HS3ST4: variants seen among roughly 807,000 people sequenced by gnomAD.
The protein encoded by HS3ST4 is heparan sulfate-glucosamine 3-sulfotransferase 4, also known as heparan sulfate glucosamine 3-O-sulfotransferase 4.
HS3ST4 carries 17 observed loss-of-function variants against 29.2 expected under a neutral mutation model. The observed-to-expected ratio is 0.58, with a 90% CI of 0.40 to 0.87. HS3ST4 has a LOEUF of 0.87. Among genes scored for constraint, HS3ST4 ranks in the 40% least tolerant of loss-of-function variants. The pLI is 0.00. For missense variants in HS3ST4, 627 were observed against 634.5 expected (o/e 0.99, Z 0.13); for synonymous variants, 314 against 285.7 (o/e 1.10, Z -1.00).
At chr16:26,028,272 C>CAAAAA (rs57920476) in intron 1 of HS3ST4, among the ~76,000 whole-genome samples, 14 of 48,548 alleles carry the variant, frequency 2.9e-4, no homozygotes, top group Admixed American at 6.9e-4. Context: ...GACACCGTCT[C>CAAAAA]AAAAAAAAAA....
chr16:26,118,372 G>A (rs1899226823), intron 1 of HS3ST4, among the ~76,000 whole-genome samples: 1 of 152,184 alleles, frequency 6.6e-6, no homozygotes, highest in East Asian at 1.9e-4. Flanking sequence ...CAGGGTTTGA[G>A]CCACCACACC....
chr16:26,111,320 C>CAGCA (rs1042756565), intron 1 of HS3ST4, among the ~76,000 whole-genome samples: 2 of 151,950 alleles, frequency 1.3e-5, no homozygotes, highest in East Asian at 1.9e-4. Context: ...AGTGATCCTC[C>CAGCA]AGCACTAGCA....
At chr16:25,712,523 TA>T (rs945582976) in intron 1 of HS3ST4, among the ~76,000 whole-genome samples, 71 of 151,764 alleles carry the variant, frequency 4.7e-4, no homozygotes, top group African/African-American at 1.7e-3. Context: ...CCTGTATCTA[TA>T]AAAAAATAAA....
chr16:25,764,979 TAAAAG>T (rs930678755), intron 1 of HS3ST4, among the ~76,000 whole-genome samples: 8 of 152,126 alleles, frequency 5.3e-5, no homozygotes, highest in Non-Finnish European at 1.2e-4. Flanking sequence ...AGCTTAGACA[TAAAAG>T]AAGAGAAATG....
intron 1 of HS3ST4, among the ~76,000 whole-genome samples, chr16:25,929,981 T>C (rs539640955): frequency 6.6e-6 from 1 of 152,204 alleles, no homozygotes; most frequent in African/African-American, 2.4e-5. Context: ...TAGGCCCCAT[T>C]GTCTGTTATT....
intron 1 of HS3ST4, among the ~76,000 whole-genome samples, chr16:26,107,392 G>T (rs886559457): frequency 2.0e-5 from 3 of 151,168 alleles, no homozygotes; most frequent in Admixed American, 1.3e-4. Context: ...ACACATACAT[G>T]CACATATGTA....
chr16:25,851,700 T>C (rs1409988110), intron 1 of HS3ST4, among the ~76,000 whole-genome samples: 2 of 151,954 alleles, frequency 1.3e-5, no homozygotes, highest in Non-Finnish European at 2.9e-5. Flanking sequence ...GTCAGGTGGG[T>C]GAACTGTGGG....
At chr16:25,946,945 ACCCAATGT>A (rs1386280633) in intron 1 of HS3ST4, among the ~76,000 whole-genome samples, 1 of 152,170 alleles carries the variant, frequency 6.6e-6, no homozygotes, top group Admixed American at 6.5e-5. Context: ...AAAGCATAAC[ACCCAATGT>A]CCCAATGTGG....
chr16:26,023,230 T>C (rs1011270842), intron 1 of HS3ST4, among the ~76,000 whole-genome samples: 21 of 152,114 alleles, frequency 1.4e-4, no homozygotes, highest in African/African-American at 4.8e-4. Context: ...ACCACTTACT[T>C]TCCCATAAAA....
At chr16:26,067,402 A>G (rs1184480247) in intron 1 of HS3ST4, among the ~76,000 whole-genome samples, 1 of 152,132 alleles carries the variant, frequency 6.6e-6, no homozygotes, top group Non-Finnish European at 1.5e-5. Flanking sequence ...CAAGGGAGAC[A>G]TGACCAAATT....
chr16:25,950,209 C>A (rs1475330344), intron 1 of HS3ST4, among the ~76,000 whole-genome samples: 2 of 152,086 alleles, frequency 1.3e-5, no homozygotes, highest in Non-Finnish European at 2.9e-5. Context: ...AGTTAGATGA[C>A]CCATCTGCTC....
chr16:26,069,102 C>T (rs778224221), intron 1 of HS3ST4, among the ~76,000 whole-genome samples: 1 of 152,140 alleles, frequency 6.6e-6, no homozygotes, highest in Admixed American at 6.5e-5. Context: ...CAGGCACATG[C>T]CACAATGCCC....
intron 1 of HS3ST4, among the ~76,000 whole-genome samples, chr16:26,127,758 G>A (rs1020599684): frequency 5.3e-5 from 8 of 152,150 alleles, no homozygotes; most frequent in African/African-American, 1.7e-4. Flanking sequence ...GCCTGCTTTG[G>A]TAGGGCTATT....
intron 1 of HS3ST4, among the ~76,000 whole-genome samples, chr16:25,778,410 A>G (rs1966849650): frequency 6.6e-6 from 1 of 152,190 alleles, no homozygotes; most frequent in Non-Finnish European, 1.5e-5. Flanking sequence ...AGGCTTAGGT[A>G]CAGCAGGAAG....
At chr16:25,843,039 A>G (rs1321437621) in intron 1 of HS3ST4, among the ~76,000 whole-genome samples, 1 of 152,206 alleles carries the variant, frequency 6.6e-6, no homozygotes, top group African/African-American at 2.4e-5. Flanking sequence ...CATACATTTT[A>G]TTCCCATAGG....
At chr16:26,112,665 A>G (rs926417271) in intron 1 of HS3ST4, among the ~76,000 whole-genome samples, 4 of 152,148 alleles carry the variant, frequency 2.6e-5, no homozygotes, top group Admixed American at 2.6e-4. Context: ...AGAATATGCA[A>G]AGAACTCCTA....
chr16:25,828,631 G>A (rs1334609374), intron 1 of HS3ST4, among the ~76,000 whole-genome samples: 2 of 152,044 alleles, frequency 1.3e-5, no homozygotes, highest in Non-Finnish European at 1.5e-5. Context: ...GTCAGCTACT[G>A]TGCCTGGCCC....
intron 1 of HS3ST4, among the ~76,000 whole-genome samples, chr16:25,863,738 TC>T (rs1967661936): frequency 6.6e-6 from 1 of 152,236 alleles, no homozygotes; most frequent in Admixed American, 6.5e-5. Flanking sequence ...AACATTTATT[TC>T]CTTTAATGTC....
intron 1 of HS3ST4, among the ~76,000 whole-genome samples, chr16:26,119,952 T>C (rs972017803): frequency 2.6e-5 from 4 of 152,080 alleles, no homozygotes; most frequent in African/African-American, 9.7e-5. Context: ...AGAACGTTTT[T>C]AGGTGGGGTT....
Sources: allele counts gnomAD v4.1 joint callset (sites outside exome capture counted in the v4.1 genomes callset), GRCh38; gene constraint gnomAD v4.1.1; transcripts MANE v1.5; gene names NCBI Gene and HGNC (gene_info 2026-07-23, HGNC 2026-07-21).